CTBS: variants seen among roughly 807,000 people sequenced by gnomAD.
CTBS encodes di-N-acetylchitobiase.
In CTBS, 35 loss-of-function variants were observed where a neutral mutation model predicts 44.3. The observed-to-expected ratio is 0.79, with a 90% CI of 0.60 to 1.05. The LOEUF is 1.05. CTBS is among the 50% of genes least tolerant of loss of function. The pLI, the probability that CTBS is intolerant of heterozygous loss-of-function variation, is 0.00. For synonymous variants in CTBS, 143 were observed against 168.0 expected (o/e 0.85, Z 1.15); for missense variants, 458 against 475.3 (o/e 0.96, Z 0.34).
rs202099627 is a variant in CTBS at position 84,551,370 on chromosome 1, AAAAT to A, written c.*3625_*3628del. ...CTGTCCTCGGTTTCAGATAAAAATAAAAATAAATAAAATTTAAAAATAAAAAAAT... is the reference window on the plus strand; with the variant it reads ...CTGTCCTCGGTTTCAGATAAAAATAAAAATAAAATTTAAAAATAAAAAAAT... On this transcript the variant is annotated 3_prime_UTR_variant, in exon 7 of 7. Transcript: ENST00000370630. 3,030 of 755,218 alleles carry A rather than the reference AAAAT, an allele frequency of 4.0e-3. 99 individuals carry two copies. The African/African-American group carries it at 0.054, about 13-fold the overall frequency. The allele number at this position is 755,218 out of a possible 1,614,324, so 46.8% of individuals were successfully genotyped here.
Position 84,565,929 on chromosome 1 carries a change from G to A in CTBS, c.609C>T (p.Phe203=), listed in dbSNP as rs565320610. 3 of 1,601,740 alleles carry A rather than the reference G, an allele frequency of 1.9e-6. No homozygotes were observed. In the South Asian group the frequency reaches 3.4e-5, roughly 18 times the overall value. The change falls in exon 4 of 7, where the codon TTC becomes TTT. Residue 203 remains phenylalanine, a synonymous_variant. Coordinates refer to ENST00000370630, the MANE Select transcript of CTBS (RefSeq NM_004388.3). ...NYTGIADACD[F]LFVMSYDEQS... is the part of the protein sequence containing the mutation. ...GTTCATCATAAGACATCACAAAGAG[G>A]AAGTCACAAGCATCTGCGATTCCAG... is the stretch of plus-strand genomic sequence containing the variant.
rs2102007810 is a variant in CTBS, at chr1:84,550,303, T to C, written c.*4696A>G. ...ATTTCTCCAAAGCAATTTAGTTTAC[T>C]TTACGGAATAGGTTATTTTCATGAT... is the stretch of plus-strand genomic sequence containing the variant. On this transcript the variant is annotated 3_prime_UTR_variant, in exon 7 of 7. Coordinates refer to ENST00000370630, the MANE Select transcript of CTBS (RefSeq NM_004388.3). 1 of 449,852 alleles carries C rather than the reference T, an allele frequency of 2.2e-6. No individual in the cohort carries two copies. The highest frequency in any genetic ancestry group is 9.9e-5 in the South Asian group (1 of 10,098). 27.9% of individuals were successfully genotyped at this position (449,852 alleles called of 1,614,324 possible).
At position 84,553,567 on chromosome 1, in the gene CTBS, G is replaced by C. The variant is rs1404843881; in HGVS notation, c.*1432C>G. On this transcript the variant is annotated 3_prime_UTR_variant, in exon 7 of 7. Coordinates refer to ENST00000370630, the MANE Select transcript of CTBS (RefSeq NM_004388.3). ...AGAAATCTGGAAATATAAAAGAATG[G>C]GGGTATTGAAGTTGCATTCTGAGCT... 3.3e-5 allele frequency: 5 copies of C among 152,196 alleles called. No individual in the cohort carries two copies. Among genetic ancestry groups the C allele is most frequent in the Non-Finnish European group, 7.3e-5 (5 of 68,038 alleles). 9.4% of individuals were successfully genotyped at this position (152,196 alleles called of 1,614,324 possible). A position where few individuals can be genotyped will look rare whatever the true frequency, so the allele number is the denominator to read the frequency against.
At chr1:84,560,307 G>C (rs1684566693) in intron 6 of CTBS, among the ~76,000 whole-genome samples, 1 of 151,954 alleles carries the variant, frequency 6.6e-6, no homozygotes, top group African/African-American at 2.4e-5. Flanking sequence ...CCTCATTCCA[G>C]AGAGGTCCTA....
intron 6 of CTBS, among the ~76,000 whole-genome samples, chr1:84,561,830 A>G (rs1424262724): frequency 2.6e-5 from 4 of 152,212 alleles, no homozygotes; most frequent in African/African-American, 9.6e-5. Flanking sequence ...AAATTAAGGT[A>G]TGTACTTTTT....
Position 84,563,293 on chromosome 1 carries a change from C to G in CTBS, c.921G>C (p.Trp307Cys). ...QINSSISGNLWDKDQRAPYYN... is the reference protein window; with the variant it reads ...QINSSISGNLCDKDQRAPYYN... ...AATAAGGAGCCCGCTGATCTTTATC[C>G]CATAGGTTTCCAGAAATAGAACTAT... The change falls in exon 6 of 7, where the codon TGG becomes TGC. Residue 307 changes from tryptophan (W) to cysteine (C), a missense_variant. Physicochemically the swap from Trp to Cys is radical, Grantham distance 215 (BLOSUM62 -2). Transcript: ENST00000370630. The G allele has an allele frequency of 1.9e-6, 3 of 1,583,540 alleles. No homozygotes were observed. The highest frequency in any genetic ancestry group is 2.6e-6 in the Non-Finnish European group (3 of 1,165,212).
In CTBS at chr1:84,563,240, C is replaced by A; in HGVS notation, c.957+17G>T. The A allele has an allele frequency of 7.0e-7, 1 of 1,435,160 alleles. No individual in the cohort carries two copies. Among genetic ancestry groups the A allele is most frequent in the Non-Finnish European group, 9.2e-7 (1 of 1,081,600 alleles). The allele number at this position is 1,435,160 out of a possible 1,614,324, so 88.9% of individuals were successfully genotyped here. A position where few individuals can be genotyped will look rare whatever the true frequency, so the allele number is the denominator to read the frequency against. ...AAACTAATAGAATAAATGCTCATAA[C>A]TTACGAAAAGTCTTACTTTATAGTT... On this transcript the variant is annotated intron_variant, in intron 6 of 6. Transcript: ENST00000370630.
intron 6 of CTBS, among the ~76,000 whole-genome samples, chr1:84,561,772 T>C (rs1684599515): frequency 6.6e-6 from 1 of 152,254 alleles, no homozygotes; most frequent in African/African-American, 2.4e-5. Context: ...TATAACTTGA[T>C]AAAGGCTCAG....
At chr1:84,567,199 C>T (rs192315050) in intron 3 of CTBS, among the ~76,000 whole-genome samples, 22 of 152,156 alleles carry the variant, frequency 1.4e-4, no homozygotes, top group African/African-American at 4.8e-4. Flanking sequence ...TTTATAATTC[C>T]GTGAATATTA....
chr1:84,554,075 G>GA lies in CTBS; in HGVS notation c.*923dup, dbSNP rs1684355812. On this transcript the variant is annotated 3_prime_UTR_variant, in exon 7 of 7. Coordinates refer to ENST00000370630, the MANE Select transcript of CTBS (RefSeq NM_004388.3). The stretch of plus-strand genomic sequence containing the variant: ...GAGGAGTGCTTGAGCCCAGGAGTTG[G>GA]AGACCCATCTGGACAACATAGCGAG... 1 of 152,012 alleles carries GA rather than the reference G, an allele frequency of 6.6e-6. No individual in the cohort carries two copies. The highest frequency in any genetic ancestry group is 1.5e-5 in the Non-Finnish European group (1 of 68,028). The allele number at this position is 152,012 out of a possible 1,614,324, so 9.4% of individuals were successfully genotyped here.
rs765332001 is a variant in CTBS, at chr1:84,563,252, CTTACT to C, written c.957_957+4del. 13 of 1,473,444 alleles carry C rather than the reference CTTACT, an allele frequency of 8.8e-6. No individual in the cohort carries two copies. Among genetic ancestry groups the C allele is most frequent in the East Asian group, 2.6e-5 (1 of 39,024 alleles). The allele number at this position is 1,473,444 out of a possible 1,614,324, so 91.3% of individuals were successfully genotyped here. On this transcript the variant is annotated splice_donor_variant and splice_donor_region_variant and coding_sequence_variant and intron_variant, in exon 6 of 7. Transcript: ENST00000370630. LOFTEE classifies it high-confidence loss of function. ...TAAATGCTCATAACTTACGAAAAGT[CTTACT>C]TTATAGTTATAATAAGGAGCCCGCT...
intron 3 of CTBS, among the ~76,000 whole-genome samples, chr1:84,568,123 G>A (rs933354833): frequency 7.2e-5 from 11 of 152,188 alleles, no homozygotes; most frequent in Non-Finnish European, 1.6e-4. Context: ...AACTTGACAT[G>A]TAGCCCAAAT....
intron 1 of CTBS, 147 bp from the exon 2 acceptor site, chr1:84,570,867 T>C: frequency 3.0e-6 from 2 of 673,070 alleles, no homozygotes; most frequent in South Asian, 3.1e-5. Flanking sequence ...CCCAAGATAA[T>C]TGGTGGCAGG....
chr1:84,574,384 A>C lies in CTBS; in HGVS notation c.32T>G (p.Leu11Arg). MSRPQLRRWR[L>R]VSSPPSGVPG... ...GACGCCGCTCGGCGGGCTAGAGACG[A>C]GGCGCCAGCGTCGAAGCTGCGGCCG... is the stretch of plus-strand genomic sequence containing the variant. The change falls in exon 1 of 7, where the codon CTC (leucine) becomes CGC (arginine). Residue 11 changes from leucine (L) to arginine (R), a missense_variant. By Grantham distance (102) the Leu-to-Arg change is moderately radical. Transcript: ENST00000370630. 1.3e-6 allele frequency: 2 copies of C among 1,562,536 alleles called. No individual in the cohort carries two copies. Among genetic ancestry groups the C allele is most frequent in the Non-Finnish European group, 1.7e-6 (2 of 1,154,790 alleles).
In CTBS at chr1:84,553,862, G is replaced by A. The variant is rs1225503845; in HGVS notation, c.*1137C>T. On this transcript the variant is annotated 3_prime_UTR_variant, in exon 7 of 7. Coordinates refer to ENST00000370630, the MANE Select transcript of CTBS (RefSeq NM_004388.3). ...TAATCTGTAATTAGGAACTAATAAG[G>A]GCAGCACAATGTTGTTCTTAATTCC... The A allele has an allele frequency of 6.6e-6, 1 of 152,030 alleles. No individual in the cohort carries two copies. The highest frequency in any genetic ancestry group is 1.5e-5 in the Non-Finnish European group (1 of 67,980). The allele number at this position is 152,030 out of a possible 1,614,324, so 9.4% of individuals were successfully genotyped here. A position where few individuals can be genotyped will look rare whatever the true frequency, so the allele number is the denominator to read the frequency against.
At chr1:84,566,915 C>T (rs1294482357) in intron 3 of CTBS, among the ~76,000 whole-genome samples, 6 of 152,222 alleles carry the variant, frequency 3.9e-5, no homozygotes, top group Non-Finnish European at 8.8e-5. Context: ...CAGGCGTGAG[C>T]CACCACACCC....
intron 6 of CTBS, among the ~76,000 whole-genome samples, chr1:84,562,760 T>A (rs1027938703): frequency 6.6e-6 from 1 of 152,202 alleles, no homozygotes; most frequent in African/African-American, 2.4e-5. Flanking sequence ...AGTTTTGACA[T>A]TGCTTTATAA....
intron 6 of CTBS, among the ~76,000 whole-genome samples, chr1:84,561,460 A>G (rs1208402684): frequency 6.6e-6 from 1 of 152,242 alleles, no homozygotes; most frequent in Non-Finnish European, 1.5e-5. Flanking sequence ...AATGCTGTGA[A>G]CATTGTTCAA....
At position 84,549,753 on chromosome 1, in the gene CTBS, T is replaced by C. The variant is rs1012171081; in HGVS notation, c.*5246A>G. 1.3e-5 allele frequency: 2 copies of C among 152,078 alleles called. No individual in the cohort carries two copies. The highest frequency in any genetic ancestry group is 6.6e-5 in the Admixed American group (1 of 15,258). 9.4% of individuals were successfully genotyped at this position (152,078 alleles called of 1,614,324 possible). On this transcript the variant is annotated 3_prime_UTR_variant, in exon 7 of 7. Transcript: ENST00000370630. ...AAGTAATTTTAAAATATGTTAACTA[T>C]GATTAAAAGTAAGGATTTAACTTTA...
Sources: allele counts gnomAD v4.1 joint callset (sites outside exome capture counted in the v4.1 genomes callset), GRCh38; gene constraint gnomAD v4.1.1; transcripts MANE v1.5; gene names NCBI Gene and HGNC (gene_info 2026-07-23, HGNC 2026-07-21).